SMYD3: variants seen among roughly 807,000 people sequenced by gnomAD.
The protein encoded by SMYD3 is histone-lysine N-methyltransferase SMYD3.
SMYD3 carries 36 observed loss-of-function variants against 57.7 expected under a neutral mutation model. The ratio of observed to expected loss-of-function variants is 0.62; its 90% CI spans 0.48 to 0.82. The LOEUF (loss-of-function observed/expected upper bound fraction) is 0.82, where lower values mean the gene tolerates loss of function less well. Ranked by LOEUF, SMYD3 falls within the 40% of genes least tolerant of loss-of-function variation. The pLI, the probability that SMYD3 is intolerant of heterozygous loss-of-function variation, is 0.00. For synonymous variants in SMYD3, 211 were observed against 195.0 expected, an observed-to-expected ratio of 1.08 and a Z score of -0.68; for missense variants, 515 against 538.8, an observed-to-expected ratio of 0.96 and a Z score of 0.44.
At chr1:246,023,705 G>T (rs912109130) in intron 5 of SMYD3, among the ~76,000 whole-genome samples, 5 of 152,036 alleles carry the variant, frequency 3.3e-5, no homozygotes, top group Non-Finnish European at 5.9e-5. Flanking sequence ...ACGTTCAGGG[G>T]CTACAGGGGC....
chr1:246,033,299 G>A (rs2059711773), intron 5 of SMYD3, among the ~76,000 whole-genome samples: 1 of 152,092 alleles, frequency 6.6e-6, no homozygotes, highest in South Asian at 2.1e-4. Flanking sequence ...AACCCAGAAG[G>A]TTACACACTG....
intron 1 of SMYD3, among the ~76,000 whole-genome samples, chr1:246,489,229 C>G (rs2068232981): frequency 6.6e-6 from 1 of 152,036 alleles, no homozygotes; most frequent in Non-Finnish European, 1.5e-5. Context: ...GCCTGTAGTC[C>G]CAGCTACTCA....
At chr1:246,188,599 G>A (rs878973814) in intron 5 of SMYD3, among the ~76,000 whole-genome samples, 1 of 151,892 alleles carries the variant, frequency 6.6e-6, no homozygotes, top group African/African-American at 2.4e-5. Context: ...AACATTTGTG[G>A]TTGACATTTT....
intron 1 of SMYD3, among the ~76,000 whole-genome samples, chr1:246,404,933 T>A (rs1012536143): frequency 1.3e-5 from 2 of 152,108 alleles, no homozygotes; most frequent in Non-Finnish European, 2.9e-5. Context: ...CTCATAATAA[T>A]TGTAAACATT....
chr1:246,453,478 C>T (rs993742585), intron 1 of SMYD3, among the ~76,000 whole-genome samples: 1 of 152,072 alleles, frequency 6.6e-6, no homozygotes, highest in African/African-American at 2.4e-5. Context: ...TAAAAAGATG[C>T]TATTTACACT....
At chr1:245,967,695 AG>A (rs1238103279) in intron 5 of SMYD3, among the ~76,000 whole-genome samples, 1 of 152,240 alleles carries the variant, frequency 6.6e-6, no homozygotes, top group African/African-American at 2.4e-5. Flanking sequence ...CTCAGACCAG[AG>A]GGCAGACATA....
rs147590635 is a variant in SMYD3 at position 246,200,089 on chromosome 1, T to C, written c.531+127112A>G. On this transcript the variant is annotated intron_variant, in intron 5 of 11. Coordinates refer to ENST00000490107, the MANE Select transcript of SMYD3 (RefSeq NM_001167740.2). ...TGTGATAGAGTAGAGGAGAACAGCATAGACGCTGAGGTAGAATGTACACAG... is the reference window on the plus strand; with the variant it reads ...TGTGATAGAGTAGAGGAGAACAGCACAGACGCTGAGGTAGAATGTACACAG... Among the ~76,000 whole-genome samples the C allele has an allele frequency of 9.3e-4, 141 of 152,118 alleles. 1 individual carries two copies. Among genetic ancestry groups the C allele is most frequent in the African/African-American group, 3.3e-3 (135 of 41,472 alleles).
At chr1:246,253,852 T>C (rs909716738) in intron 5 of SMYD3, among the ~76,000 whole-genome samples, 2 of 152,214 alleles carry the variant, frequency 1.3e-5, no homozygotes, top group African/African-American at 4.8e-5. Flanking sequence ...TGTTCTCTTT[T>C]GGATATGTAT....
intron 8 of SMYD3, among the ~76,000 whole-genome samples, chr1:245,909,682 C>G (rs1003328867): frequency 1.4e-4 from 22 of 151,926 alleles, no homozygotes; most frequent in African/African-American, 5.1e-4. Flanking sequence ...AAAGGTGATA[C>G]ATCACATTAA....
At chr1:246,399,184 G>C (rs976048613) in intron 1 of SMYD3, among the ~76,000 whole-genome samples, 4 of 151,834 alleles carry the variant, frequency 2.6e-5, no homozygotes, top group Non-Finnish European at 1.5e-5. Flanking sequence ...ACCACGCCCA[G>C]CTAGTTTTTT....
intron 5 of SMYD3, among the ~76,000 whole-genome samples, chr1:245,956,936 A>T (rs1004262921): frequency 7.9e-5 from 12 of 152,236 alleles, no homozygotes; most frequent in Admixed American, 7.9e-4. Context: ...TCTTGAGCAG[A>T]ACCAAACCCC....
intron 10 of SMYD3, among the ~76,000 whole-genome samples, chr1:245,855,702 T>C (rs2051205131): frequency 6.6e-6 from 1 of 152,168 alleles, no homozygotes; most frequent in Non-Finnish European, 1.5e-5. Context: ...AGTTGCGTCA[T>C]AAAAACTGAG....
At chr1:245,835,170 A>G (rs924315524) in intron 10 of SMYD3, among the ~76,000 whole-genome samples, 2 of 143,078 alleles carry the variant, frequency 1.4e-5, no homozygotes, top group Admixed American at 1.4e-4. Context: ...ACCAGGCTAG[A>G]GTGCAACAGC....
intron 5 of SMYD3, among the ~76,000 whole-genome samples, chr1:246,308,946 T>C (rs1213095640): frequency 1.3e-5 from 2 of 152,128 alleles, no homozygotes. Flanking sequence ...AAATTACTTA[T>C]GTGCCTAAGA....
intron 5 of SMYD3, among the ~76,000 whole-genome samples, chr1:246,098,586 T>C (rs1345038151): frequency 6.6e-6 from 1 of 152,242 alleles, no homozygotes; most frequent in Non-Finnish European, 1.5e-5. Flanking sequence ...TGTATGAAGA[T>C]GACAAAATCT....
chr1:246,454,422 A>ATT, intron 1 of SMYD3, among the ~76,000 whole-genome samples: 1 of 152,210 alleles, frequency 6.6e-6, no homozygotes, highest in Non-Finnish European at 1.5e-5. Context: ...ATGAAAAGAA[A>ATT]TACATAAGGC....
intron 10 of SMYD3, among the ~76,000 whole-genome samples, chr1:245,839,529 C>T (rs972233353): frequency 6.6e-5 from 10 of 151,734 alleles, no homozygotes; most frequent in Non-Finnish European, 1.3e-4. Flanking sequence ...CCTGGGGAGG[C>T]GGGGGCGACA....
At chr1:245,919,776 G>GATCA (rs1401443909) in intron 7 of SMYD3, among the ~76,000 whole-genome samples, 1 of 152,120 alleles carries the variant, frequency 6.6e-6, no homozygotes, top group African/African-American at 2.4e-5. Flanking sequence ...CTTGGCCATT[G>GATCA]ATCAGTAGAC....
chr1:245,750,533 G>C (rs2045297182), intron 11 of SMYD3, among the ~76,000 whole-genome samples: 1 of 152,172 alleles, frequency 6.6e-6, no homozygotes, highest in African/African-American at 2.4e-5. Context: ...AGACATTGTA[G>C]AAAAGAAGAA....
Sources: gnomAD v4.1 joint callset for allele counts (sites outside exome capture counted in the v4.1 genomes callset) on GRCh38, gnomAD v4.1.1 for gene constraint, MANE v1.5 for transcripts, NCBI Gene and HGNC (gene_info 2026-07-23, HGNC 2026-07-21) for gene names.